The following ATP8A2 variants were observed in gnomAD, a reference collection of about 807,000 sequenced individuals.
ATP8A2 encodes the protein phospholipid-transporting ATPase IB.
Under a neutral mutation model 165.6 loss-of-function variants are expected in ATP8A2, and 100 were observed. The ratio of observed to expected loss-of-function variants is 0.60; its 90% confidence interval spans 0.51 to 0.71. ATP8A2 has a LOEUF of 0.71. Ranked by LOEUF, ATP8A2 falls within the 30% of genes least tolerant of loss-of-function variation. ATP8A2 has a pLI of 0.00. For synonymous variants in ATP8A2, 543 were observed against 548.8 expected, an observed-to-expected ratio of 0.99 and a Z score of 0.15; for missense variants, 1,227 against 1,479.5, an observed-to-expected ratio of 0.83 and a Z score of 2.80.
chr13:25,423,574 C>T (rs935833841), intron 1 of ATP8A2, among the ~76,000 whole-genome samples: 2 of 152,122 alleles, frequency 1.3e-5, no homozygotes, highest in African/African-American at 2.4e-5. Flanking sequence ...TGACAATCTA[C>T]GAGAGTACCC....
chr13:25,889,807 T>C (rs771120345), intron 33 of ATP8A2, among the ~76,000 whole-genome samples: 4 of 152,172 alleles, frequency 2.6e-5, no homozygotes, highest in Non-Finnish European at 4.4e-5. Context: ...TTAAATGTAA[T>C]TGGTCTGAAG....
At chr13:25,647,813 G>A (rs1003875790) in intron 24 of ATP8A2, among the ~76,000 whole-genome samples, 1 of 151,890 alleles carries the variant, frequency 6.6e-6, no homozygotes, top group Non-Finnish European at 1.5e-5. Context: ...AGCCTCCCAA[G>A]TAGCTGGGAT....
chr13:25,850,275 T>C (rs115658088), intron 30 of ATP8A2, among the ~76,000 whole-genome samples: 1,790 of 152,346 alleles, frequency 0.012, 33 homozygotes, highest in African/African-American at 0.039. Context: ...AACACAGGTT[T>C]GGTGAGATCA....
intron 35 of ATP8A2, among the ~76,000 whole-genome samples, chr13:25,974,502 T>C (rs1020344668): frequency 1.3e-5 from 2 of 152,064 alleles, no homozygotes; most frequent in South Asian, 4.1e-4. Context: ...GAGTTCTGAA[T>C]CTTGGTGGTC....
intron 33 of ATP8A2, among the ~76,000 whole-genome samples, chr13:25,888,663 C>G (rs1217641285): frequency 6.6e-6 from 1 of 152,168 alleles, no homozygotes; most frequent in Non-Finnish European, 1.5e-5. Context: ...AGTTAGAGAC[C>G]AGCCTGACCA....
chr13:25,671,905 T>G (rs902257636), intron 24 of ATP8A2, among the ~76,000 whole-genome samples: 12 of 152,152 alleles, frequency 7.9e-5, no homozygotes, highest in Non-Finnish European at 1.8e-4. Context: ...AACTTGCCGG[T>G]TTTTGCAGCT....
intron 2 of ATP8A2, among the ~76,000 whole-genome samples, chr13:25,472,406 A>T (rs369865289): frequency 9.3e-4 from 140 of 151,202 alleles, no homozygotes; most frequent in South Asian, 5.2e-3. Flanking sequence ...AAAAAAAAAA[A>T]AAAAATTGAT....
chr13:25,685,920 G>T (rs185178491), intron 24 of ATP8A2, among the ~76,000 whole-genome samples: 2 of 152,298 alleles, frequency 1.3e-5, no homozygotes, highest in Admixed American at 1.3e-4. Flanking sequence ...GGTGACCCTA[G>T]CAGTGGCCAG....
At chr13:25,442,589 A>AT (rs540555558) in intron 1 of ATP8A2, among the ~76,000 whole-genome samples, 19 of 152,014 alleles carry the variant, frequency 1.2e-4, no homozygotes, top group Non-Finnish European at 2.1e-4. Context: ...AATTAAAATA[A>AT]TTTTTTTGTA....
At chr13:25,685,680 A>T (rs150942751) in intron 24 of ATP8A2, among the ~76,000 whole-genome samples, 85 of 152,328 alleles carry the variant, frequency 5.6e-4, no homozygotes, top group African/African-American at 2.0e-3. Context: ...TCAGCCTATT[A>T]GAAGAAAAGC....
At position 25,595,084 on chromosome 13, in the gene ATP8A2, G is replaced by A. The variant is rs538367837; in HGVS notation, c.2211+5385G>A. ...AGCCATAAAAAGGAATGAATTAATG[G>A]CATTTGCCAAGGTTTCTAAGAAACA... On this transcript the variant is annotated intron_variant, in intron 24 of 36. Coordinates refer to ENST00000381655, the MANE Select transcript of ATP8A2 (RefSeq NM_016529.6). Among the ~76,000 whole-genome samples, 298 of 151,140 alleles carry A rather than the reference G, an allele frequency of 2.0e-3. 13 individuals carry two copies. In the South Asian group the frequency reaches 0.06, roughly 30 times the overall value.
chr13:25,691,882 T>A (rs1053063844), intron 24 of ATP8A2, among the ~76,000 whole-genome samples: 1 of 152,224 alleles, frequency 6.6e-6, no homozygotes, highest in Admixed American at 6.5e-5. Context: ...GTGGATTTGC[T>A]ATATTTGTGC....
At chr13:25,441,329 C>T (rs1329417887) in intron 1 of ATP8A2, among the ~76,000 whole-genome samples, 1 of 152,196 alleles carries the variant, frequency 6.6e-6, no homozygotes, top group African/African-American at 2.4e-5. Context: ...AACTCTAAAG[C>T]ACTGTGTGTC....
chr13:25,775,067 A>G (rs991217986), intron 27 of ATP8A2, 108 bp downstream of exon 27: 18 of 655,156 alleles, frequency 2.7e-5, no homozygotes, highest in Non-Finnish European at 4.4e-5. Context: ...AAATTAAAAG[A>G]TGCTGCTGTG....
intron 16 of ATP8A2, among the ~76,000 whole-genome samples, chr13:25,565,060 G>A (rs1205326993): frequency 6.6e-6 from 1 of 152,022 alleles, no homozygotes; most frequent in African/African-American, 2.4e-5. Flanking sequence ...TTATGGCCAC[G>A]TGGTATTCCA....
intron 33 of ATP8A2, among the ~76,000 whole-genome samples, chr13:25,912,626 A>T (rs1195930930): frequency 6.6e-6 from 1 of 152,200 alleles, no homozygotes; most frequent in Non-Finnish European, 1.5e-5. Flanking sequence ...GTATTCGTGA[A>T]TCATGGCATC....
chr13:25,613,761 G>A lies in ATP8A2; in HGVS notation c.2211+24062G>A, dbSNP rs533277974. 1.4e-4 allele frequency among the ~76,000 whole-genome samples: 21 copies of A among 152,222 alleles called. 1 individual carries two copies. Among genetic ancestry groups the A allele is most frequent in the Admixed American group, 1.4e-3 (21 of 15,290 alleles). ...GTCTTGTTTAAGGAGCTAAAGATAG[G>A]ACCCCAATCTCTTTTAGAGATTGAA... is the stretch of plus-strand genomic sequence containing the variant. On this transcript the variant is annotated intron_variant, in intron 24 of 36. Transcript: ENST00000381655.
chr13:25,827,029 G>A (rs549284119), intron 27 of ATP8A2, among the ~76,000 whole-genome samples: 1 of 152,200 alleles, frequency 6.6e-6, no homozygotes, highest in East Asian at 1.9e-4. Context: ...CAGTCCTGCT[G>A]CCTCCGTGTA....
intron 18 of ATP8A2, 44 bp from the exon 19 acceptor site, chr13:25,574,764 T>G: frequency 1.7e-6 from 2 of 1,147,636 alleles, no homozygotes; most frequent in East Asian, 2.3e-5. Context: ...TTTGAGATTT[T>G]AATACTTTGC....
Sources: gnomAD v4.1 joint callset for allele counts (sites outside exome capture counted in the v4.1 genomes callset) on GRCh38, gnomAD v4.1.1 for gene constraint, MANE v1.5 for transcripts, NCBI Gene and HGNC (gene_info 2026-07-23, HGNC 2026-07-21) for gene names.